Variants in NAALADL2 observed in about 807,000 individuals in gnomAD.
The protein encoded by NAALADL2 is N-acetylated alpha-linked acidic dipeptidase like 2, also known as inactive N-acetylated-alpha-linked acidic dipeptidase-like protein 2.
In NAALADL2, 76 loss-of-function variants were observed where a neutral mutation model predicts 87.2. The observed-to-expected ratio is 0.87, with a 90% CI of 0.72 to 1.05. The LOEUF is 1.05. NAALADL2 is among the 50% of genes least tolerant of loss of function. The pLI is 0.00. For missense variants in NAALADL2, 1,089 were observed against 945.8 expected (o/e 1.15, Z -1.99); for synonymous variants, 354 against 331.0 (o/e 1.07, Z -0.75).
chr3:175,138,887 AATATATATATATAT>A lies in NAALADL2; in HGVS notation c.545+41621_545+41634del, dbSNP rs58824117. ...CAGAAAAAAAATTTCAGCCTTTTAAAATATATATATATATATATATATATATATATATATATATG... is the reference window on the plus strand; with the variant it reads ...CAGAAAAAAAATTTCAGCCTTTTAAAATATATATATATATATATATATATG... On this transcript the variant is annotated intron_variant, in intron 2 of 13. Transcript: ENST00000454872. Among the ~76,000 whole-genome samples, 32 of 95,486 alleles carry A rather than the reference AATATATATATATAT, an allele frequency of 3.4e-4. 1 individual carries two copies. Among genetic ancestry groups the A allele is most frequent in the African/African-American group, 7.1e-4 (13 of 18,324 alleles). 62.6% of individuals were successfully genotyped at this position (95,486 alleles called of 152,430 possible).
At chr3:174,695,641 T>A (rs906574020) in intron 2 of NAALADL2, among the ~76,000 whole-genome samples, 2 of 152,060 alleles carry the variant, frequency 1.3e-5, no homozygotes, top group Non-Finnish European at 2.9e-5. Context: ...GTAGGGAGCA[T>A]ACAATGCTGG....
intron 3 of NAALADL2, among the ~76,000 whole-genome samples, chr3:174,832,409 T>C (rs1362197527): frequency 7.9e-5 from 12 of 152,140 alleles, no homozygotes; most frequent in Admixed American, 7.9e-4. Flanking sequence ...TTCCATGTAG[T>C]TGAGCGGTTT....
Position 174,554,648 on chromosome 3 carries a change from C to G in NAALADL2, c.-115+4011C>G, listed in dbSNP as rs116672359. On this transcript the variant is annotated intron_variant, in intron 2 of 3. Coordinates refer to the NAALADL2 transcript ENST00000434257. The stretch of plus-strand genomic sequence containing the variant: ...GTACTGATAAATTAAAAAATATGTA[C>G]ATTTGTGAGGGTGTTTTAAAGTATT... Among the ~76,000 whole-genome samples the G allele has an allele frequency of 2.7e-3, 409 of 151,644 alleles. 3 individuals carry two copies. Among genetic ancestry groups the G allele is most frequent in the Non-Finnish European group, 5.1e-3 (344 of 67,974 alleles).
intron 1 of NAALADL2, among the ~76,000 whole-genome samples, chr3:174,865,077 C>T (rs184443480): frequency 9.2e-5 from 14 of 151,974 alleles, no homozygotes; most frequent in East Asian, 7.7e-4. Flanking sequence ...TCTGCATAGT[C>T]GAACACTTCG....
intron 5 of NAALADL2, chr3:175,397,467 A>G (rs1389116643): frequency 6.6e-6 from 1 of 152,190 alleles, no homozygotes; most frequent in Non-Finnish European, 1.5e-5. Context: ...AGAGGGCACA[A>G]TAAGGTCACA....
At chr3:175,737,975 CT>C (rs1251335824) in intron 12 of NAALADL2, among the ~76,000 whole-genome samples, 3 of 151,930 alleles carry the variant, frequency 2.0e-5, no homozygotes, top group Non-Finnish European at 4.4e-5. Context: ...TAATAATTAC[CT>C]TCATTTCCCC....
chr3:175,582,711 G>T (rs551659396), intron 10 of NAALADL2, among the ~76,000 whole-genome samples: 1 of 152,124 alleles, frequency 6.6e-6, no homozygotes. Context: ...AATAAAACAT[G>T]CCCCTCTTTC....
At chr3:175,764,293 T>C (rs923375090) in intron 13 of NAALADL2, among the ~76,000 whole-genome samples, 4 of 152,214 alleles carry the variant, frequency 2.6e-5, no homozygotes, top group African/African-American at 9.6e-5. Flanking sequence ...TATGATTGTT[T>C]CTTTGGGAAA....
intron 1 of NAALADL2, among the ~76,000 whole-genome samples, chr3:174,505,513 T>C (rs1195260659): frequency 6.6e-6 from 1 of 152,212 alleles, no homozygotes; most frequent in East Asian, 1.9e-4. Context: ...TTCTATTTTC[T>C]TAAGACCTAG....
At chr3:175,355,083 C>A (rs1339559743) in intron 5 of NAALADL2, among the ~76,000 whole-genome samples, 1 of 116,336 alleles carries the variant, frequency 8.6e-6, no homozygotes, top group Non-Finnish European at 1.8e-5. Flanking sequence ...TTCTTTTTTT[C>A]TTTGAGGCAG....
chr3:175,609,795 T>C (rs1724350516), intron 10 of NAALADL2, among the ~76,000 whole-genome samples: 1 of 152,118 alleles, frequency 6.6e-6, no homozygotes, highest in Non-Finnish European at 1.5e-5. Context: ...TGCTAGTCAC[T>C]AGTCACCTTT....
intron 9 of NAALADL2, among the ~76,000 whole-genome samples, chr3:175,536,598 T>A (rs1219627148): frequency 2.0e-5 from 3 of 152,132 alleles, no homozygotes; most frequent in South Asian, 2.1e-4. Flanking sequence ...AAGATGGAAA[T>A]TTTTAAAAGG....
At chr3:175,617,605 CCT>C (rs1184652145) in intron 10 of NAALADL2, among the ~76,000 whole-genome samples, 1 of 152,124 alleles carries the variant, frequency 6.6e-6, no homozygotes, top group African/African-American at 2.4e-5. Flanking sequence ...ATCTATTTTC[CCT>C]CTCTTGGGCC....
intron 5 of NAALADL2, among the ~76,000 whole-genome samples, chr3:175,336,414 A>G (rs1420916380): frequency 2.0e-5 from 3 of 152,210 alleles, no homozygotes; most frequent in African/African-American, 4.8e-5. Context: ...GATTGCTGGC[A>G]TGAAATATCT....
chr3:174,619,070 A>G (rs1720754671), intron 2 of NAALADL2, among the ~76,000 whole-genome samples: 1 of 151,922 alleles, frequency 6.6e-6, no homozygotes, highest in Non-Finnish European at 1.5e-5. Flanking sequence ...ACCTTTTTAC[A>G]TTGGTCAAGG....
At chr3:175,166,050 T>G (rs1733956557) in intron 2 of NAALADL2, among the ~76,000 whole-genome samples, 5 of 152,110 alleles carry the variant, frequency 3.3e-5, no homozygotes, top group Admixed American at 1.3e-4. Flanking sequence ...TTTTTTTTTT[T>G]TTTTACTCTT....
chr3:174,854,077 C>T (rs1427354753), intron 3 of NAALADL2, among the ~76,000 whole-genome samples: 3 of 152,130 alleles, frequency 2.0e-5, no homozygotes, highest in Non-Finnish European at 4.4e-5. Flanking sequence ...TGTATTTGAA[C>T]TTCTGTGTTT....
At chr3:175,270,729 A>G (rs919660093) in intron 4 of NAALADL2, among the ~76,000 whole-genome samples, 2 of 152,164 alleles carry the variant, frequency 1.3e-5, no homozygotes, top group African/African-American at 4.8e-5. Flanking sequence ...AGGTTGACAG[A>G]TATGTGGAAT....
intron 11 of NAALADL2, among the ~76,000 whole-genome samples, chr3:175,666,972 G>A (rs1297536162): frequency 1.3e-5 from 2 of 151,776 alleles, no homozygotes; most frequent in African/African-American, 4.8e-5. Context: ...TATATACTTA[G>A]TACAGGGTAT....
Sources: gnomAD v4.1 joint callset for allele counts (sites outside exome capture counted in the v4.1 genomes callset) on GRCh38, gnomAD v4.1.1 for gene constraint, MANE v1.5 for transcripts, NCBI Gene and HGNC (gene_info 2026-07-23, HGNC 2026-07-21) for gene names.